The following TUSC3 variants were observed in gnomAD, a reference collection of about 807,000 sequenced individuals.
TUSC3 encodes the protein dolichyl-diphosphooligosaccharide--protein glycosyltransferase subunit TUSC3.
In TUSC3, 45 loss-of-function variants were observed where a neutral mutation model predicts 44.8. The observed-to-expected ratio is 1.00, with a 90% CI of 0.79 to 1.29. The LOEUF is 1.29. Among genes scored for constraint, TUSC3 ranks in the 50% most tolerant of loss-of-function variants. The probability of loss-of-function intolerance (pLI) is 0.00; values close to 1 mark genes in which losing one functional copy is unlikely to be tolerated. For synonymous variants in TUSC3, 212 were observed against 152.9 expected (o/e 1.39, Z -2.85); for missense variants, 519 against 437.9 (o/e 1.19, Z -1.65).
At chr8:15,646,699 C>T (rs1307638465) in intron 2 of TUSC3, among the ~76,000 whole-genome samples, 1 of 151,902 alleles carries the variant, frequency 6.6e-6, no homozygotes, top group Non-Finnish European at 1.5e-5. Context: ...CAGAAGAGGC[C>T]CTTGCACTCA....
At chr8:15,695,741 A>G (rs1256743486) in intron 6 of TUSC3, among the ~76,000 whole-genome samples, 1 of 152,198 alleles carries the variant, frequency 6.6e-6, no homozygotes, top group Non-Finnish European at 1.5e-5. Context: ...GTGGTCTCAG[A>G]TGGAGATGAG....
chr8:15,577,375 G>A (rs1442145606), intron 1 of TUSC3, among the ~76,000 whole-genome samples: 1 of 151,812 alleles, frequency 6.6e-6, no homozygotes, highest in African/African-American at 2.4e-5. Flanking sequence ...TTTTGGACAT[G>A]AAGTCCTTGC....
the TUSC3 span, among the ~76,000 whole-genome samples, chr8:15,773,931 C>T: frequency 6.6e-6 from 1 of 152,130 alleles, no homozygotes; most frequent in African/African-American, 2.4e-5. Context: ...AACTTAAGGG[C>T]TAAAATTATA....
intron 2 of TUSC3, among the ~76,000 whole-genome samples, chr8:15,623,804 G>A (rs1259410484): frequency 6.6e-6 from 1 of 151,948 alleles, no homozygotes; most frequent in Non-Finnish European, 1.5e-5. Flanking sequence ...ATAATTGTAG[G>A]TACACATCTT....
chr8:15,453,068 A>G (rs1254743238), intron 1 of TUSC3, among the ~76,000 whole-genome samples: 1 of 152,094 alleles, frequency 6.6e-6, no homozygotes, highest in Non-Finnish European at 1.5e-5. Context: ...TAAACGCAAT[A>G]TATAGATAGG....
chr8:15,785,537 C>A, the TUSC3 span, among the ~76,000 whole-genome samples: 1 of 151,444 alleles, frequency 6.6e-6, no homozygotes. Flanking sequence ...CCCTCTGAGA[C>A]TCTCAGGACA....
At chr8:15,651,218 T>A (rs1806889441) in intron 3 of TUSC3, among the ~76,000 whole-genome samples, 1 of 152,182 alleles carries the variant, frequency 6.6e-6, no homozygotes, top group African/African-American at 2.4e-5. Flanking sequence ...CATGCATTGG[T>A]CTTATTCTGG....
chr8:15,663,806 C>G (rs1428041660), intron 5 of TUSC3, among the ~76,000 whole-genome samples: 1 of 151,816 alleles, frequency 6.6e-6, no homozygotes, highest in Non-Finnish European at 1.5e-5. Context: ...TTTTTCCATG[C>G]TAGTTTTCAA....
Position 15,623,160 on chromosome 8 carries a change from C to T in TUSC3, c.219C>T (p.Phe73=), listed in dbSNP as rs143357101. Residue 73 remains phenylalanine (F), a synonymous_variant, in exon 2 of 11, where the codon TTC becomes TTT. Coordinates refer to ENST00000503731, the MANE Select transcript of TUSC3 (RefSeq NM_006765.4). ...TCTTCCGAATGAATGGTGATAAATT[C>T]CGAAAATTTATAAAGGCACCACCTC... The part of the protein sequence containing the change: ...RSIFRMNGDK[F]RKFIKAPPRN... The T allele has an allele frequency of 3.1e-6, 5 of 1,613,612 alleles. No individual in the cohort carries two copies. In the Admixed American group the frequency reaches 5.0e-5, roughly 16 times the overall value.
chr8:15,532,195 G>C (rs917974517), intron 2 of TUSC3, among the ~76,000 whole-genome samples: 1 of 151,806 alleles, frequency 6.6e-6, no homozygotes, highest in Non-Finnish European at 1.5e-5. Context: ...TGCTGTTTCT[G>C]TTCCTCTGCC....
At chr8:15,553,341 A>G (rs551556355) in intron 1 of TUSC3, among the ~76,000 whole-genome samples, 4 of 151,794 alleles carry the variant, frequency 2.6e-5, no homozygotes, top group East Asian at 2.0e-4. Context: ...AAAGATACCA[A>G]TATTTTGGTG....
At chr8:15,604,161 A>T (rs915931242) in intron 1 of TUSC3, among the ~76,000 whole-genome samples, 2 of 151,756 alleles carry the variant, frequency 1.3e-5, no homozygotes, top group Non-Finnish European at 3.0e-5. Context: ...ATAGAGTATT[A>T]TGCAAATTAA....
rs1799869535 is a variant in TUSC3, at chr8:15,431,311, C to T, written n.91+14006C>T. On this transcript the variant is annotated intron_variant and non_coding_transcript_variant, in intron 1 of 5. Coordinates refer to the TUSC3 transcript ENST00000503191. ...TATGGATATTTTACCTATATTCTTC[C>T]AATCCATGAACACATATATCTATCT... 2.0e-5 allele frequency among the ~76,000 whole-genome samples: 3 copies of T among 151,752 alleles called. 1 individual carries two copies. In the South Asian group the frequency reaches 6.2e-4, roughly 31 times the overall value.
intron 1 of TUSC3, among the ~76,000 whole-genome samples, chr8:15,431,610 C>G (rs896486036): frequency 1.3e-5 from 2 of 148,446 alleles, no homozygotes; most frequent in South Asian, 4.1e-4. Context: ...AGGATTATGT[C>G]TTGTACAAAC....
chr8:15,834,753 T>A, the TUSC3 span, among the ~76,000 whole-genome samples: 4 of 152,222 alleles, frequency 2.6e-5, no homozygotes, highest in Non-Finnish European at 5.9e-5. Flanking sequence ...CAACCTACTT[T>A]AATGATTAAG....
the TUSC3 span, among the ~76,000 whole-genome samples, chr8:15,825,850 T>C: frequency 2.0e-5 from 3 of 151,740 alleles, no homozygotes; most frequent in African/African-American, 7.3e-5. Flanking sequence ...GGTGAAATAA[T>C]TGATAGTGAC....
intron 7 of TUSC3, among the ~76,000 whole-genome samples, chr8:15,741,555 C>T (rs1481882777): frequency 6.6e-6 from 1 of 152,042 alleles, no homozygotes; most frequent in East Asian, 1.9e-4. Flanking sequence ...CATGGCGGTG[C>T]ACTCCTGTGA....
At chr8:15,596,282 G>C (rs969739336) in intron 1 of TUSC3, among the ~76,000 whole-genome samples, 1 of 152,046 alleles carries the variant, frequency 6.6e-6, no homozygotes, top group African/African-American at 2.4e-5. Context: ...CATGTTTTTA[G>C]GGGTGTTTTA....
chr8:15,584,018 A>G (rs1293119268), intron 1 of TUSC3, among the ~76,000 whole-genome samples: 3 of 152,218 alleles, frequency 2.0e-5, no homozygotes, highest in African/African-American at 4.8e-5. Context: ...GTATTTTGTG[A>G]GAATATGTTG....
Sources: gnomAD v4.1 joint callset for allele counts (sites outside exome capture counted in the v4.1 genomes callset) on GRCh38, gnomAD v4.1.1 for gene constraint, MANE v1.5 for transcripts, NCBI Gene and HGNC (gene_info 2026-07-23, HGNC 2026-07-21) for gene names.